The following SLC38A10 variants were observed in gnomAD, a reference collection of about 807,000 sequenced individuals.
SLC38A10 encodes the protein Sodium-coupled neutral amino acid transporter 10.
SLC38A10 carries 53 observed loss-of-function variants against 81.0 expected under a neutral mutation model. The ratio of observed to expected loss-of-function variants is 0.65; its 90% CI spans 0.53 to 0.82. The LOEUF (loss-of-function observed/expected upper bound fraction) is 0.82, where lower values mean the gene tolerates loss of function less well. SLC38A10 is among the 40% of genes least tolerant of loss of function. The pLI is 0.00. For missense variants in SLC38A10, 1,471 were observed against 1,545.0 expected (o/e 0.95, Z 0.80); for synonymous variants, 665 against 655.3 (o/e 1.01, Z -0.23).
rs748593275 is a variant in SLC38A10, at chr17:81,245,625, C to T, written c.3291G>A (p.Ala1097=). ...GALDAQLRQA[A]GGALQVVHSR... ...TGTGGACCACCTGCAGAGCTCCCCC[C>T]GCAGCCTGGCGGAGCTGGGCATCCA... Residue 1097 remains alanine (A), a synonymous_variant, in exon 16 of 16, where the codon GCG becomes GCA. Transcript: ENST00000374759. 24 of 1,612,166 alleles carry T rather than the reference C, an allele frequency of 1.5e-5. No homozygotes were observed. The highest frequency in any genetic ancestry group is 1.0e-4 in the Admixed American group (6 of 59,942).
At position 81,283,825 on chromosome 17, in the gene SLC38A10, G is replaced by A. The variant is rs1054945356; in HGVS notation, c.264-323C>T. ...GGGGTTGCACCGTGTTAGCCAGGAT[G>A]GTCTCGATCTCCTGACCTCTGTGAT... is the stretch of plus-strand genomic sequence containing the variant. On this transcript the variant is annotated intron_variant, in intron 3 of 15. Transcript: ENST00000374759. The surrounding 1 kb of genome is among the most constrained non-coding windows in gnomAD (Gnocchi z 4.7). 2.6e-5 allele frequency among the ~76,000 whole-genome samples: 4 copies of A among 151,380 alleles called. No individual in the cohort carries two copies. Among genetic ancestry groups the A allele is most frequent in the Non-Finnish European group, 5.9e-5 (4 of 67,836 alleles).
intron 1 of SLC38A10, among the ~76,000 whole-genome samples, chr17:81,291,346 G>A (rs1320316621): frequency 2.6e-5 from 4 of 151,986 alleles, no homozygotes; most frequent in African/African-American, 9.7e-5. Flanking sequence ...AATTAGCCAG[G>A]CTTGGTGGTG....
At chr17:81,260,656 C>A (rs927230959) in intron 10 of SLC38A10, among the ~76,000 whole-genome samples, 5 of 152,266 alleles carry the variant, frequency 3.3e-5, no homozygotes, top group Non-Finnish European at 7.3e-5. Flanking sequence ...GCTGCCAGAG[C>A]ATGGCAGGAC....
intron 11 of SLC38A10, among the ~76,000 whole-genome samples, chr17:81,258,658 CCCA>C (rs1461995853): frequency 3.3e-5 from 5 of 152,146 alleles, no homozygotes; most frequent in Non-Finnish European, 4.4e-5. Context: ...CTACCACAAT[CCCA>C]CCGACAGCTC....
intron 1 of SLC38A10, among the ~76,000 whole-genome samples, chr17:81,293,839 C>A (rs994373054): frequency 1.3e-5 from 2 of 152,210 alleles, no homozygotes; most frequent in Non-Finnish European, 2.9e-5. Context: ...ACGTTTCAGT[C>A]AGCCTTTCTT....
chr17:81,280,677 G>C lies in SLC38A10; in HGVS notation c.558C>G (p.Val186=). The C allele has an allele frequency of 6.2e-7, 1 of 1,608,692 alleles. No homozygotes were observed. The highest frequency in any genetic ancestry group is 8.5e-7 in the Non-Finnish European group (1 of 1,178,520). Residue 186 remains valine (V), a synonymous_variant, in exon 6 of 16, where the codon GTC becomes GTG. Coordinates refer to ENST00000374759, the MANE Select transcript of SLC38A10 (RefSeq NM_001037984.3). ...AGACGCCCTCCCAGCGGACGTAGCT[G>C]ACCCGCCGCAGCCACTGCCCACTGA... ...GLFSGQWLRR[V]SYVRWEGVFR...
At chr17:81,254,077 TCAC>T (rs962521825) in intron 11 of SLC38A10, among the ~76,000 whole-genome samples, 1 of 150,812 alleles carries the variant, frequency 6.6e-6, no homozygotes, top group African/African-American at 2.5e-5. Context: ...GTCACCTCCG[TCAC>T]CACCACCACC....
chr17:81,246,437 G>C lies in SLC38A10; in HGVS notation c.2479C>G (p.Arg827Gly), dbSNP rs201150575. 6 of 1,595,402 alleles carry C rather than the reference G, an allele frequency of 3.8e-6. No homozygotes were observed. The highest frequency in any genetic ancestry group is 2.7e-5 in the African/African-American group (2 of 74,360). ...TCTCTCAGCTTGGCCTGGGCTGCCC[G>C]AGGCTCTGTGTCAGGGCCGCCGTCA... The part of the protein sequence containing the change: ...PPDGGPDTEP[R>G]AAQAKLRDGQ... The change falls in exon 16 of 16, where the codon CGG (arginine) becomes GGG (glycine). Residue 827 changes from arginine (R) to glycine (G), a missense_variant. Physicochemically the swap from Arg to Gly is moderately radical, Grantham distance 125. Around this residue, in one of 2 missense-constraint regions of SLC38A10, gnomAD observed 751 missense variants for 717.4 expected, o/e 1.05. Transcript: ENST00000374759.
intron 11 of SLC38A10, among the ~76,000 whole-genome samples, chr17:81,257,209 T>C (rs139923608): frequency 1.6e-4 from 24 of 152,214 alleles, no homozygotes; most frequent in African/African-American, 5.5e-4. Flanking sequence ...AGCCCTGACC[T>C]TCCAGGCTCA....
At chr17:81,267,869 G>C (rs117302386) in intron 10 of SLC38A10, among the ~76,000 whole-genome samples, 61 of 151,742 alleles carry the variant, frequency 4.0e-4, no homozygotes, top group Admixed American at 9.9e-4. Context: ...GAGACTCATC[G>C]ATCATTGGGA....
intron 6 of SLC38A10, chr17:81,280,054 C>T: frequency 2.4e-6 from 1 of 411,086 alleles, no homozygotes; most frequent in Non-Finnish European, 5.0e-6. Context: ...CTCTTTTCAG[C>T]CGGTTACCAT....
In SLC38A10 at chr17:81,289,523, G is replaced by A. The variant is rs1003549941; in HGVS notation, c.217+168C>T. Among the ~76,000 whole-genome samples the A allele has an allele frequency of 1.8e-4, 28 of 151,900 alleles. No homozygotes were observed. The highest frequency in any genetic ancestry group is 3.7e-4 in the Non-Finnish European group (25 of 67,982). On this transcript the variant is annotated intron_variant, in intron 2 of 15. Transcript: ENST00000374759. This position sits in a 1 kb window ranked among gnomAD's most constrained non-coding sequence, Gnocchi z 5.9. ...AAATAGTAGCTGGGACGACAGGCAC[G>A]TGCAACCACACCCGGCTCATTTTTT...
chr17:81,284,507 TTCATC>T (rs2063245656), intron 3 of SLC38A10, among the ~76,000 whole-genome samples: 1 of 152,206 alleles, frequency 6.6e-6, no homozygotes, highest in Non-Finnish European at 1.5e-5. Context: ...CATAAATTTT[TTCATC>T]TCATGAAATT....
chr17:81,282,633 G>A (rs976982887), intron 4 of SLC38A10, among the ~76,000 whole-genome samples: 15 of 152,320 alleles, frequency 9.8e-5, no homozygotes, highest in African/African-American at 1.4e-4. Flanking sequence ...GCTGTGAGTC[G>A]GACTCAGCTG....
chr17:81,251,435 G>C, intron 14 of SLC38A10, 58 bp downstream of exon 14: 1 of 1,608,894 alleles, frequency 6.2e-7, no homozygotes, highest in Non-Finnish European at 8.5e-7. Flanking sequence ...CCAGGGCTGG[G>C]GGAGGGGGCT....
Position 81,295,012 on chromosome 17 carries a change from G to C in SLC38A10, c.-91C>G. On this transcript the variant is annotated 5_prime_UTR_variant, in exon 1 of 16. Coordinates refer to ENST00000374759, the MANE Select transcript of SLC38A10 (RefSeq NM_001037984.3). ...AGCCCAGCCCGAGGCCACGGTCACA[G>C]GTCCCAACGTCCGGGACGCCGGTGG... The C allele has an allele frequency of 7.0e-7, 1 of 1,428,072 alleles. No homozygotes were observed. Among genetic ancestry groups the C allele is most frequent in the Non-Finnish European group, 9.2e-7 (1 of 1,085,438 alleles). 88.5% of individuals were successfully genotyped at this position (1,428,072 alleles called of 1,614,324 possible).
chr17:81,279,603 T>C (rs550850388), intron 6 of SLC38A10: 8 of 153,086 alleles, frequency 5.2e-5, no homozygotes, highest in Non-Finnish European at 8.8e-5. Flanking sequence ...GCTGCACTTG[T>C]TGAGCCGCAC....
rs2063234565 is a variant in SLC38A10, at chr17:81,283,478, G to C, written c.288C>G (p.Thr96=). 5 of 1,611,738 alleles carry C rather than the reference G, an allele frequency of 3.1e-6. No individual in the cohort carries two copies. In the African/African-American group the frequency reaches 4.0e-5, roughly 13 times the overall value. The part of the protein sequence containing the change: ...ETSMIGLMLG[T]CIAFYVVIGD... ...CGATCACGACGTAGAAGGCGATGCA[G>C]GTGCCCAGCATCAGCCCGATCATGC... Residue 96 remains threonine, a synonymous_variant, in exon 4 of 16, where the codon ACC becomes ACG. Coordinates refer to ENST00000374759, the MANE Select transcript of SLC38A10 (RefSeq NM_001037984.3). This position sits in a 1 kb window ranked among gnomAD's most constrained non-coding sequence, Gnocchi z 4.7.
Position 81,286,250 on chromosome 17 carries a change from T to C in SLC38A10, c.218-1355A>G, listed in dbSNP as rs979665933. On this transcript the variant is annotated intron_variant, in intron 2 of 15. Transcript: ENST00000374759. This position sits in a 1 kb window ranked among gnomAD's most constrained non-coding sequence, Gnocchi z 6.0. ...ATTCTCCAAAAGGAAGCTGAGTCTC[T>C]ACAGCATATTCCAAACACGAGCGCA... is the stretch of plus-strand genomic sequence containing the variant. 2.0e-4 allele frequency among the ~76,000 whole-genome samples: 31 copies of C among 152,182 alleles called. No individual in the cohort carries two copies. The highest frequency in any genetic ancestry group is 6.3e-4 in the African/African-American group (26 of 41,448).
Sources: allele counts gnomAD v4.1 joint callset (sites outside exome capture counted in the v4.1 genomes callset), GRCh38; gene constraint gnomAD v4.1.1; regional missense constraint gnomAD v4.1.1; non-coding constraint Gnocchi (gnomAD v3.1); transcripts MANE v1.5; gene names NCBI Gene and HGNC (gene_info 2026-07-23, HGNC 2026-07-21).